The following EIF2D variants were observed in gnomAD, a reference collection of about 807,000 sequenced individuals.
The protein encoded by EIF2D is hepatocellular carcinoma-associated antigen 56.
EIF2D carries 56 observed loss-of-function variants against 77.4 expected under a neutral mutation model. That is an observed-to-expected ratio of 0.72 (90% CI 0.58 to 0.90). The LOEUF (loss-of-function observed/expected upper bound fraction) is 0.90. Among genes scored for constraint, EIF2D ranks in the 40% least tolerant of loss-of-function variants. The pLI, the probability that EIF2D is intolerant of heterozygous loss-of-function variation, is 0.00. For missense variants in EIF2D, 574 were observed against 706.5 expected (o/e 0.81, Z 2.13); for synonymous variants, 230 against 271.0 (o/e 0.85, Z 1.49).
Position 206,599,894 on chromosome 1 carries a change from A to G in EIF2D, c.949-58T>C. 2.7e-6 allele frequency: 4 copies of G among 1,506,994 alleles called. No homozygotes were observed. Among genetic ancestry groups the G allele is most frequent in the Non-Finnish European group, 3.7e-6 (4 of 1,086,996 alleles). 93.4% of individuals were successfully genotyped at this position (1,506,994 alleles called of 1,614,324 possible). A position where few individuals can be genotyped will look rare whatever the true frequency, so the allele number is the denominator to read the frequency against. ...CATTGATTCCACACACATACTGAGC[A>G]CCCAGGATGTGCCAGAGTGAGCTAG... is the stretch of plus-strand genomic sequence containing the variant. On this transcript the variant is annotated intron_variant, in intron 8 of 14. Coordinates refer to ENST00000271764, the MANE Select transcript of EIF2D (RefSeq NM_006893.3). This position sits in a 1 kb window ranked among gnomAD's most constrained non-coding sequence, Gnocchi z 4.1.
intron 2 of EIF2D, among the ~76,000 whole-genome samples, chr1:206,581,672 GGAAA>G (rs139599723): frequency 6.6e-6 from 1 of 151,288 alleles, no homozygotes; most frequent in Non-Finnish European, 1.5e-5. Context: ...AAGGAAGGAA[GGAAA>G]GAAAGAAAGG....
At chr1:206,569,574 C>G (rs1668384164), downstream of EIF2D, among the ~76,000 whole-genome samples, 1 of 152,238 alleles carries the variant, frequency 6.6e-6, no homozygotes, top group African/African-American at 2.4e-5. Flanking sequence ...GCAGGGCCAC[C>G]TCAGTCTGCT....
chr1:206,593,500 A>AGTGTGTGTGTGC (rs1669474468), intron 14 of EIF2D, 119 bp downstream of exon 14: 12 of 433,258 alleles, frequency 2.8e-5, no homozygotes, highest in African/African-American at 2.5e-4. Context: ...AGAGAGAGAG[A>AGTGTGTGTGTGC]GAGAGAGAGT....
rs74384998 is a variant in EIF2D at position 206,596,348 on chromosome 1, G to A, written c.1389-510C>T. 6.9e-3 allele frequency among the ~76,000 whole-genome samples: 1,053 copies of A among 152,340 alleles called. 10 individuals are homozygous for A. The highest frequency in any genetic ancestry group is 0.024 in the African/African-American group (1,005 of 41,572). ...AACTTTTTCTATAAAGGGCTAGACAGTAAATATTTTTGGTTTTGCCAGTCA... is the reference window on the plus strand; with the variant it reads ...AACTTTTTCTATAAAGGGCTAGACAATAAATATTTTTGGTTTTGCCAGTCA... On this transcript the variant is annotated intron_variant, in intron 12 of 14. Transcript: ENST00000271764.
chr1:206,596,566 A>G (rs1461040918), intron 12 of EIF2D, among the ~76,000 whole-genome samples: 1 of 152,240 alleles, frequency 6.6e-6, no homozygotes, highest in Non-Finnish European at 1.5e-5. Context: ...AAAAGAAGGA[A>G]TATTAAAAAT....
At chr1:206,574,762 C>G (rs1425832870) in intron 4 of EIF2D, among the ~76,000 whole-genome samples, 4 of 152,016 alleles carry the variant, frequency 2.6e-5, no homozygotes, top group Non-Finnish European at 2.9e-5. Context: ...AGAACACAGG[C>G]CTTCGAAGAC....
downstream of EIF2D, chr1:206,587,227 C>T (rs538147248): frequency 7.9e-4 from 357 of 452,174 alleles, 5 homozygotes; most frequent in South Asian, 7.2e-3. Flanking sequence ...AAACAGCTGA[C>T]GTCCTCTCTC....
chr1:206,571,149 T>C (rs1266347787), downstream of EIF2D: 7 of 152,216 alleles, frequency 4.6e-5, no homozygotes, highest in Admixed American at 3.3e-4. Flanking sequence ...CATGAAATGG[T>C]ATCTCACTGT....
chr1:206,584,434 C>T lies in EIF2D; in HGVS notation c.139-3272G>A, dbSNP rs781983120. The T allele has an allele frequency of 1.1e-5, 18 of 1,614,128 alleles. No homozygotes were observed. The highest frequency in any genetic ancestry group is 1.5e-5 in the Non-Finnish European group (18 of 1,180,000). On this transcript the variant is annotated intron_variant and NMD_transcript_variant, in intron 2 of 5. Transcript: ENST00000472709. This position sits in a 1 kb window ranked among gnomAD's most constrained non-coding sequence, Gnocchi z 4.9. ...GTTTCATCAAAGTGCATCTGAAACTCCGGCGGCCTGTGACGGTGCCTGCTG... is the reference window on the plus strand; with the variant it reads ...GTTTCATCAAAGTGCATCTGAAACTTCGGCGGCCTGTGACGGTGCCTGCTG...
chr1:206,575,676 C>G (rs1258249048), intron 4 of EIF2D, among the ~76,000 whole-genome samples: 1 of 152,186 alleles, frequency 6.6e-6, no homozygotes, highest in East Asian at 1.9e-4. Flanking sequence ...ACCACCCTAT[C>G]TTATGTGTAA....
intron 4 of EIF2D, among the ~76,000 whole-genome samples, chr1:206,573,278 A>G (rs1668516208): frequency 6.6e-6 from 1 of 152,156 alleles, no homozygotes; most frequent in Non-Finnish European, 1.5e-5. Context: ...CCGTGAGGCA[A>G]TAAAGGATTT....
exon 4 of EIF2D, chr1:206,580,721 C>T (rs961576242): frequency 6.6e-6 from 1 of 152,262 alleles, no homozygotes; most frequent in Non-Finnish European, 1.5e-5. Flanking sequence ...GCCAGAGCTG[C>T]TTGCCCTTGG....
chr1:206,577,332 A>C (rs1051857455), intron 4 of EIF2D, among the ~76,000 whole-genome samples: 3 of 152,184 alleles, frequency 2.0e-5, no homozygotes, highest in African/African-American at 7.2e-5. Flanking sequence ...GGAAAATGAA[A>C]ACTGAAATTG....
At chr1:206,574,854 T>C (rs1250957364) in intron 4 of EIF2D, among the ~76,000 whole-genome samples, 320 of 37,372 alleles carry the variant, frequency 8.6e-3, no homozygotes, top group Non-Finnish European at 0.014. Context: ...GACCAATGAC[T>C]TTTTTTTTTT....
intron 6 of EIF2D, 144 bp from the exon 7 acceptor site, chr1:206,602,597 T>G (rs1401829558): frequency 1.4e-6 from 1 of 737,542 alleles, no homozygotes; most frequent in Non-Finnish European, 2.3e-6. Flanking sequence ...CCAGCCTCTC[T>G]TGAGCACTGA....
At chr1:206,600,016 A>T (rs1245194381) in intron 8 of EIF2D, among the ~76,000 whole-genome samples, 180 bp from the exon 9 acceptor site, 3 of 152,196 alleles carry the variant, frequency 2.0e-5, no homozygotes, top group Non-Finnish European at 4.4e-5. Flanking sequence ...AAGCTGCTAG[A>T]GACTAACCAG....
chr1:206,578,640 G>A (rs1318182800), intron 4 of EIF2D, among the ~76,000 whole-genome samples: 2 of 152,136 alleles, frequency 1.3e-5, no homozygotes, highest in Non-Finnish European at 2.9e-5. Context: ...TGTGATTTTG[G>A]TCAAGAAAAA....
In EIF2D at chr1:206,599,354, CAG is replaced by C. The variant is rs1553410793; in HGVS notation, c.1202+107_1202+108del. On this transcript the variant is annotated intron_variant, in intron 10 of 14. Transcript: ENST00000271764. The surrounding 1 kb of genome is among the most constrained non-coding windows in gnomAD (Gnocchi z 4.1). Reference sequence around the variant, plus strand: ...AGCTGGATTTTGGAGAAGGGGAGAACAGGGGCAGAGCAGGTTTTGCCAGTCGC... The same window carrying C: ...AGCTGGATTTTGGAGAAGGGGAGAACGGGCAGAGCAGGTTTTGCCAGTCGC... The C allele has an allele frequency of 8.5e-6, 12 of 1,415,236 alleles. No homozygotes were observed. Among genetic ancestry groups the C allele is most frequent in the Middle Eastern group, 2.6e-4 (1 of 3,898 alleles). The allele number at this position is 1,415,236 out of a possible 1,614,324, so 87.7% of individuals were successfully genotyped here. A position where few individuals can be genotyped will look rare whatever the true frequency, so the allele number is the denominator to read the frequency against.
intron 14 of EIF2D, 96 bp downstream of exon 14, chr1:206,593,523 G>T: frequency 1.2e-6 from 1 of 850,386 alleles, no homozygotes; most frequent in Non-Finnish European, 1.9e-6. Context: ...GTGTGTGTGT[G>T]TGTGTGTGTG....
Sources: allele counts gnomAD v4.1 joint callset (sites outside exome capture counted in the v4.1 genomes callset), GRCh38; gene constraint gnomAD v4.1.1; non-coding constraint Gnocchi (gnomAD v3.1); transcripts MANE v1.5; gene names NCBI Gene and HGNC (gene_info 2026-07-23, HGNC 2026-07-21).